NCBP1: variants seen among roughly 807,000 people sequenced by gnomAD.
NCBP1 encodes the protein nuclear cap binding protein subunit 1.
Under a neutral mutation model 111.7 loss-of-function variants are expected in NCBP1, and 16 were observed. That is an observed-to-expected ratio of 0.14 (90% CI 0.10 to 0.22). The LOEUF is 0.22. Among genes scored for constraint, NCBP1 ranks in the 10% least tolerant of loss-of-function variants. The pLI is 1.00. For synonymous variants in NCBP1, 304 were observed against 314.3 expected (o/e 0.97, Z 0.35); for missense variants, 607 against 957.5 (o/e 0.63, Z 4.83).
chr9:97,641,541 T>A, intron 2 of NCBP1, 21 bp from the exon 3 acceptor site: 1 of 1,546,150 alleles, frequency 6.5e-7, no homozygotes, highest in Non-Finnish European at 8.8e-7. Flanking sequence ...TGACAGATAT[T>A]TAATGTGATG....
intron 22 of NCBP1, 70 bp downstream of exon 22, chr9:97,669,776 C>G (rs1189441120): frequency 8.6e-7 from 1 of 1,168,860 alleles, no homozygotes; most frequent in Non-Finnish European, 1.3e-6. Context: ...AAAAAAAATC[C>G]TTGTCAAATT....
chr9:97,666,738 T>A, intron 19 of NCBP1, 25 bp from the exon 20 acceptor site: 1 of 1,461,990 alleles, frequency 6.8e-7, no homozygotes, highest in Non-Finnish European at 9.4e-7. Flanking sequence ...TGACATACAG[T>A]AACCAAATGC....
chr9:97,656,053 G>T lies in NCBP1; in HGVS notation c.1341G>T (p.Lys447Asn), dbSNP rs1827643679. 6.2e-7 allele frequency: 1 copy of T among 1,613,906 alleles called. No individual in the cohort carries two copies. ...AAGATCCTGAAAGTCCCAAACCGAA[G>T]TTTGTAAGAGAAGTTCTAGAAAAAT... ...LSQDPESPKP[K>N]FVREVLEKCM... Residue 447 changes from lysine (K) to asparagine (N), a missense_variant, in exon 14 of 23, where the codon AAG (lysine) becomes AAT (asparagine). This residue lies in a region of NCBP1 where 282 missense variants were observed against 376.5 expected (regional missense o/e 0.75). Coordinates refer to ENST00000375147, the MANE Select transcript of NCBP1 (RefSeq NM_002486.5).
intron 1 of NCBP1, among the ~76,000 whole-genome samples, chr9:97,640,278 T>C (rs1440265085): frequency 6.6e-6 from 1 of 152,202 alleles, no homozygotes; most frequent in Admixed American, 6.5e-5. Context: ...ATAGCTGATA[T>C]GACAGCTTTT....
rs1429863415 is a variant in NCBP1, at chr9:97,654,932, C to T, written c.1223C>T (p.Thr408Ile). ...ATGCGTTTGGACACAATGAACACTACCTGTGTAGACAGGTACAGTAATCGC... is the reference window on the plus strand; with the variant it reads ...ATGCGTTTGGACACAATGAACACTATCTGTGTAGACAGGTACAGTAATCGC... ...LYMRLDTMNT[T>I]CVDRFINWFS... The change falls in exon 12 of 23, where the codon ACC (threonine) becomes ATC (isoleucine). Residue 408 changes from threonine to isoleucine, a missense_variant. Physicochemically the swap from Thr to Ile is moderately conservative, Grantham distance 89. This residue lies in a region of NCBP1 where 21 missense variants were observed against 19.6 expected (regional missense o/e 1.07). Transcript: ENST00000375147. 2 of 1,607,822 alleles carry T rather than the reference C, an allele frequency of 1.2e-6. No individual in the cohort carries two copies. Among genetic ancestry groups the T allele is most frequent in the Admixed American group, 1.7e-5 (1 of 58,700 alleles).
At chr9:97,671,022 A>G (rs1384417627) in intron 22 of NCBP1, 64 bp from the exon 23 acceptor site, 1 of 1,095,698 alleles carries the variant, frequency 9.1e-7, no homozygotes, top group Admixed American at 2.0e-5. Flanking sequence ...GCTGAAGGAA[A>G]TGTTCCACAA....
intron 5 of NCBP1, 69 bp downstream of exon 5, chr9:97,645,293 T>C: frequency 8.3e-7 from 1 of 1,209,848 alleles, no homozygotes. Context: ...TACTTCCATA[T>C]AGTACCAGGA....
chr9:97,648,103 C>T lies in NCBP1; in HGVS notation c.777C>T (p.Ile259=), dbSNP rs1827395631. 6.2e-7 allele frequency: 1 copy of T among 1,613,982 alleles called. No individual in the cohort carries two copies. Among genetic ancestry groups the T allele is most frequent in the Non-Finnish European group, 8.5e-7 (1 of 1,179,994 alleles). ...GACCTTATCTTGCCTTTGACAGCAT[C>T]CTGTGTGAAGCACTGCAGCACAATC... ...ILRPYLAFDS[I]LCEALQHNLP... is the part of the protein sequence containing the mutation. Residue 259 remains isoleucine (I), a synonymous_variant, in exon 8 of 23, where the codon ATC becomes ATT. Coordinates refer to ENST00000375147, the MANE Select transcript of NCBP1 (RefSeq NM_002486.5).
At position 97,662,180 on chromosome 9, in the gene NCBP1, G is replaced by C. The variant is rs1021311868; in HGVS notation, c.1703+36G>C. On this transcript the variant is annotated intron_variant, in intron 17 of 22. Coordinates refer to ENST00000375147, the MANE Select transcript of NCBP1 (RefSeq NM_002486.5). The stretch of plus-strand genomic sequence containing the variant: ...GTACAGAGCCTTGCTTGAGAGTTTG[G>C]AATTTTGCTTGGTGAACACCAGTGG... 3.3e-6 allele frequency: 5 copies of C among 1,522,038 alleles called. No homozygotes were observed. The African/African-American group carries it at 6.9e-5, about 21-fold the overall frequency. 94.3% of individuals were successfully genotyped at this position (1,522,038 alleles called of 1,614,324 possible).
At position 97,673,162 on chromosome 9, in the gene NCBP1, A is replaced by G. The variant is rs1022127101; in HGVS notation, c.*1963A>G. The G allele has an allele frequency of 3.9e-5, 6 of 152,170 alleles. No individual in the cohort carries two copies. The highest frequency in any genetic ancestry group is 1.4e-4 in the African/African-American group (6 of 41,422). 9.4% of individuals were successfully genotyped at this position (152,170 alleles called of 1,614,324 possible). Reference sequence around the variant, plus strand: ...AAAAAATATATAGCATATAACATACAAAATGAGTTTATCAACTGTTTGTTA... The same window carrying G: ...AAAAAATATATAGCATATAACATACGAAATGAGTTTATCAACTGTTTGTTA... On this transcript the variant is annotated 3_prime_UTR_variant, in exon 23 of 23. Transcript: ENST00000375147.
At chr9:97,643,027 AC>A (rs1212033486) in intron 3 of NCBP1, among the ~76,000 whole-genome samples, 176 bp from the exon 4 acceptor site, 2 of 152,084 alleles carry the variant, frequency 1.3e-5, no homozygotes, top group Non-Finnish European at 2.9e-5. Context: ...ATGAAAAATT[AC>A]GGGACTATGT....
intron 21 of NCBP1, 101 bp from the exon 22 acceptor site, chr9:97,669,490 CAG>C: frequency 2.8e-6 from 2 of 721,716 alleles, no homozygotes; most frequent in Admixed American, 4.8e-5. Context: ...ACCACAAAGA[CAG>C]GGTGGAACAG....
Position 97,645,827 on chromosome 9 carries a change from TTCCTGAAG to T in NCBP1, c.611+96_611+103del. On this transcript the variant is annotated intron_variant, in intron 6 of 22. Transcript: ENST00000375147. ...AGTTTCTCAAAAATAAGCTGTAGAG[TTCCTGAAG>T]GTATTTTCTAGGTAATCCTGTTCTC... 2.8e-6 allele frequency: 4 copies of T among 1,421,274 alleles called. No homozygotes were observed. In the South Asian group the frequency reaches 3.9e-5, roughly 14 times the overall value. 88.0% of individuals were successfully genotyped at this position (1,421,274 alleles called of 1,614,324 possible). A position where few individuals can be genotyped will look rare whatever the true frequency, so the allele number is the denominator to read the frequency against.
rs1334713076 is a variant in NCBP1, at chr9:97,655,686, C to T, written c.1236-16C>T. ...TTCTTCCTTTTTCTCTGCCTACCTC[C>T]CCCTTCTCTACGTAGGTTTATTAAT... On this transcript the variant is annotated splice_polypyrimidine_tract_variant and intron_variant, in intron 12 of 22. Coordinates refer to ENST00000375147, the MANE Select transcript of NCBP1 (RefSeq NM_002486.5). The T allele has an allele frequency of 6.3e-7, 1 of 1,598,820 alleles. No individual in the cohort carries two copies. The highest frequency in any genetic ancestry group is 1.3e-5 in the African/African-American group (1 of 74,280).
At chr9:97,655,315 ATCC>A (rs1827619141) in intron 12 of NCBP1, among the ~76,000 whole-genome samples, 1 of 152,172 alleles carries the variant, frequency 6.6e-6, no homozygotes, top group Non-Finnish European at 1.5e-5. Flanking sequence ...GGCTCAAGCA[ATCC>A]TCCTGCCTTA....
rs1049827060 is a variant in NCBP1 at position 97,636,506 on chromosome 9, A to G, written c.34+2591A>G. Among the ~76,000 whole-genome samples the G allele has an allele frequency of 2.9e-4, 9 of 30,604 alleles. No individual in the cohort carries two copies. The South Asian group carries it at 6.2e-3, about 21-fold the overall frequency. The allele number at this position is 30,604 out of a possible 152,430, so 20.1% of individuals were successfully genotyped here. ...ATATATTATATAAATTTATATTTAT[A>G]TATTATAAATTTATATTTATATATT... On this transcript the variant is annotated intron_variant, in intron 1 of 22. Transcript: ENST00000375147.
chr9:97,638,971 A>C (rs1344858667), intron 1 of NCBP1, among the ~76,000 whole-genome samples: 3 of 152,184 alleles, frequency 2.0e-5, no homozygotes, highest in Non-Finnish European at 4.4e-5. Flanking sequence ...CAATAAGTGA[A>C]TCCTGGAAAT....
At chr9:97,660,144 T>C (rs1827790055) in intron 15 of NCBP1, among the ~76,000 whole-genome samples, 1 of 152,254 alleles carries the variant, frequency 6.6e-6, no homozygotes, top group South Asian at 2.1e-4. Context: ...TCTGTTTTTC[T>C]TCGCCTTCTT....
At chr9:97,671,059 T>G (rs1180608857) in intron 22 of NCBP1, 27 bp from the exon 23 acceptor site, 1 of 1,482,842 alleles carries the variant, frequency 6.7e-7, no homozygotes, top group African/African-American at 1.4e-5. Context: ...TTTCCTGACC[T>G]AACTACCCCC....
Sources: allele counts gnomAD v4.1 joint callset (sites outside exome capture counted in the v4.1 genomes callset), GRCh38; gene constraint gnomAD v4.1.1; regional missense constraint gnomAD v4.1.1; transcripts MANE v1.5; gene names NCBI Gene and HGNC (gene_info 2026-07-23, HGNC 2026-07-21).